Variants in DICER1 observed in about 807,000 individuals in gnomAD.
DICER1 encodes the protein endoribonuclease Dicer.
DICER1 carries 43 observed loss-of-function variants against 194.1 expected under a neutral mutation model. The observed-to-expected ratio is 0.22, with a 90% CI of 0.17 to 0.29. The LOEUF (loss-of-function observed/expected upper bound fraction) is 0.29, where lower values mean the gene tolerates loss of function less well. DICER1 is among the 10% of genes least tolerant of loss of function. The pLI, the probability that DICER1 is intolerant of heterozygous loss-of-function variation, is 1.00. For missense variants in DICER1, 1,608 were observed against 2,317.0 expected, an observed-to-expected ratio of 0.69 and a Z score of 6.28; for synonymous variants, 832 against 820.5, an observed-to-expected ratio of 1.01 and a Z score of -0.24.
At chr14:95,145,622 G>C (rs1402153238) in intron 1 of DICER1, among the ~76,000 whole-genome samples, 2 of 151,548 alleles carry the variant, frequency 1.3e-5, no homozygotes, top group African/African-American at 4.8e-5. Flanking sequence ...ATTATTTAGT[G>C]AATATAGACT....
chr14:95,152,764 C>T (rs17091855), intron 1 of DICER1, among the ~76,000 whole-genome samples: 27,925 of 152,154 alleles, frequency 0.18, 3,673 homozygotes, highest in East Asian at 0.41. Flanking sequence ...AGCCATTTTG[C>T]ACTCAGAATT....
intron 1 of DICER1, among the ~76,000 whole-genome samples, chr14:95,138,628 C>T (rs1255773033): frequency 6.6e-6 from 1 of 152,024 alleles, no homozygotes; most frequent in Non-Finnish European, 1.5e-5. Context: ...CTGAAAAGTA[C>T]TGCCCCCACT....
Position 95,102,607 on chromosome 14 carries a change from C to G in DICER1, c.4050+739G>C, listed in dbSNP as rs537649634. Among the ~76,000 whole-genome samples the G allele has an allele frequency of 5.9e-5, 9 of 152,328 alleles. No homozygotes were observed. The East Asian group carries it at 1.5e-3, about 26-fold the overall frequency. ...CCATCCTTGATTCAACAGTGATGCT[C>G]CTTCCTTCTGAGTGCTGCAAGTGAT... On this transcript the variant is annotated intron_variant, in intron 21 of 26. Transcript: ENST00000343455.
chr14:95,100,450 G>A (rs368254421), intron 21 of DICER1, among the ~76,000 whole-genome samples: 1 of 152,060 alleles, frequency 6.6e-6, no homozygotes, highest in Non-Finnish European at 1.5e-5. Context: ...AGCCACAAAC[G>A]GGATTTCAAC....
chr14:95,092,846 A>T (rs1470275383), intron 24 of DICER1, among the ~76,000 whole-genome samples: 1 of 152,242 alleles, frequency 6.6e-6, no homozygotes, highest in African/African-American at 2.4e-5. Flanking sequence ...GAATGAGACT[A>T]GGTAACACTT....
In DICER1 at chr14:95,115,736, G is replaced by C; in HGVS notation, c.1838C>G (p.Pro613Arg). Residue 613 changes from proline to arginine, a missense_variant, in exon 11 of 27, where the codon CCA (proline) becomes CGA (arginine). Around this residue, in one of 10 missense-constraint regions of DICER1, gnomAD observed 657 missense variants for 910.1 expected, o/e 0.72. Transcript: ENST00000343455. ...ACCATCGTCAGGCCTCAACACATAT[G>C]GTGGGAAAACGTCATCATCATCCAT... ...PVMDDDDVFP[P>R]YVLRPDDGGP... The C allele has an allele frequency of 6.2e-7, 1 of 1,614,098 alleles. No individual in the cohort carries two copies.
At chr14:95,098,811 C>A (rs929967580) in intron 22 of DICER1, among the ~76,000 whole-genome samples, 3 of 152,102 alleles carry the variant, frequency 2.0e-5, no homozygotes, top group Non-Finnish European at 4.4e-5. Flanking sequence ...CAAATAAGTT[C>A]TAATTCTGTA....
intron 1 of DICER1, among the ~76,000 whole-genome samples, chr14:95,143,574 T>C (rs147035456): frequency 6.9e-4 from 105 of 152,202 alleles, no homozygotes; most frequent in African/African-American, 2.5e-3. Context: ...CCTCTAGTCA[T>C]AAAAATGTGA....
intron 9 of DICER1, among the ~76,000 whole-genome samples, 178 bp from the exon 10 acceptor site, chr14:95,116,873 A>G (rs1388424793): frequency 6.6e-6 from 1 of 152,228 alleles, no homozygotes; most frequent in Non-Finnish European, 1.5e-5. Context: ...GCATGCATGG[A>G]AACATGGACA....
intron 9 of DICER1, among the ~76,000 whole-genome samples, chr14:95,117,263 G>A (rs949270668): frequency 1.3e-4 from 20 of 151,752 alleles, no homozygotes; most frequent in African/African-American, 4.6e-4. Context: ...ACACTTTCTA[G>A]GAAAAGATTT....
chr14:95,132,079 A>G (rs1420157348), intron 3 of DICER1, among the ~76,000 whole-genome samples: 1 of 152,228 alleles, frequency 6.6e-6, no homozygotes. Context: ...ATCCAAGCAT[A>G]TAAAAATCAG....
chr14:95,091,485 C>A (rs1365572013), intron 24 of DICER1, 120 bp from the exon 25 acceptor site: 1 of 909,048 alleles, frequency 1.1e-6, no homozygotes, highest in Non-Finnish European at 1.8e-6. Context: ...GGGGGAAATA[C>A]CATTTATGGT....
intron 3 of DICER1, 152 bp from the exon 4 acceptor site, chr14:95,131,791 C>CA (rs747497708): frequency 3.4e-5 from 26 of 774,820 alleles, no homozygotes; most frequent in Non-Finnish European, 5.1e-5. Flanking sequence ...ACCACAGTTC[C>CA]AAGGTTATCC....
At chr14:95,142,897 C>A (rs1894905815) in intron 1 of DICER1, among the ~76,000 whole-genome samples, 1 of 152,218 alleles carries the variant, frequency 6.6e-6, no homozygotes, top group Non-Finnish European at 1.5e-5. Context: ...CCATTCAGAT[C>A]TGAAGCCTAA....
chr14:95,110,025 G>A (rs1325992176), intron 14 of DICER1, among the ~76,000 whole-genome samples: 2 of 151,846 alleles, frequency 1.3e-5, no homozygotes, highest in African/African-American at 2.4e-5. Context: ...TAATGTCTTC[G>A]GCAGGTTCTT....
chr14:95,111,402 T>G lies in DICER1; in HGVS notation c.2171A>C (p.Glu724Ala). The G allele has an allele frequency of 6.2e-7, 1 of 1,614,158 alleles. No individual in the cohort carries two copies. Among genetic ancestry groups the G allele is most frequent in the East Asian group, 2.2e-5 (1 of 44,886 alleles). ...PVGKETVKYE[E>A]ELDLHDEEET... ...TTCTTCATCATGCAAATCAAGCTCCTCTTCATATTTAACAGTCTCTTTCCC... is the reference window on the plus strand; with the variant it reads ...TTCTTCATCATGCAAATCAAGCTCCGCTTCATATTTAACAGTCTCTTTCCC... The change falls in exon 14 of 27, where the codon GAG (glutamate) becomes GCG (alanine). Residue 724 changes from glutamate to alanine, a missense_variant. Around this residue, in one of 10 missense-constraint regions of DICER1, gnomAD observed 657 missense variants for 910.1 expected, o/e 0.72. Coordinates refer to ENST00000343455, the MANE Select transcript of DICER1 (RefSeq NM_177438.3).
At chr14:95,143,011 C>T (rs1894913563) in intron 1 of DICER1, among the ~76,000 whole-genome samples, 1 of 152,060 alleles carries the variant, frequency 6.6e-6, no homozygotes, top group African/African-American at 2.4e-5. Flanking sequence ...ATTAACTTTG[C>T]AAATATTACC....
chr14:95,117,635 C>T lies in DICER1; in HGVS notation c.1496G>A (p.Arg499Lys). The stretch of plus-strand genomic sequence containing the variant: ...GATTTAAGTTACCTCTTCCTGTTTT[C>T]TGAATTCTGCTTCCATCTGTTTGTT... ...PRNKQMEAEF[R>K]KQEEVLRKFR... Residue 499 changes from arginine (R) to lysine (K), a missense_variant, in exon 9 of 27, where the codon AGA becomes AAA. Transcript: ENST00000343455. The T allele has an allele frequency of 6.2e-7, 1 of 1,613,982 alleles. No homozygotes were observed. The highest frequency in any genetic ancestry group is 8.5e-7 in the Non-Finnish European group (1 of 1,179,924).
At chr14:95,156,488 T>C (rs974638175) in intron 1 of DICER1, among the ~76,000 whole-genome samples, 1 of 152,228 alleles carries the variant, frequency 6.6e-6, no homozygotes, top group African/African-American at 2.4e-5. Context: ...ACTCAGTGGT[T>C]TGCTGGCTCT....
Sources: allele counts gnomAD v4.1 joint callset (sites outside exome capture counted in the v4.1 genomes callset), GRCh38; gene constraint gnomAD v4.1.1; regional missense constraint gnomAD v4.1.1; transcripts MANE v1.5; gene names NCBI Gene and HGNC (gene_info 2026-07-23, HGNC 2026-07-21).